CPA1: variants seen among roughly 807,000 people sequenced by gnomAD.
The protein encoded by CPA1 is carboxypeptidase A1 (pancreatic).
Under a neutral mutation model 48.7 loss-of-function variants are expected in CPA1, and 42 were observed. The ratio of observed to expected loss-of-function variants is 0.86; its 90% CI spans 0.67 to 1.11. The LOEUF (loss-of-function observed/expected upper bound fraction) is 1.11, where lower values mean the gene tolerates loss of function less well. CPA1 is among the 50% of genes most tolerant of loss of function. CPA1 has a pLI of 0.00. For synonymous variants in CPA1, 203 were observed against 217.9 expected, an observed-to-expected ratio of 0.93 and a Z score of 0.60; for missense variants, 477 against 544.7, an observed-to-expected ratio of 0.88 and a Z score of 1.24.
Position 130,381,613 on chromosome 7 carries a change from G to C in CPA1, c.148-17G>C. ...CCCCCAGCCCGCTGTGACCGTGCCG[G>C]CTCTTGTCCTCCCCAGCTGGACTTC... On this transcript the variant is annotated splice_polypyrimidine_tract_variant and intron_variant, in intron 2 of 9. Transcript: ENST00000011292. The C allele has an allele frequency of 5.0e-6, 8 of 1,603,758 alleles. No individual in the cohort carries two copies. The highest frequency in any genetic ancestry group is 6.0e-6 in the Non-Finnish European group (7 of 1,171,770).
At chr7:130,381,312 G>A (rs1287302611) in intron 2 of CPA1, 133 bp downstream of exon 2, 7 of 666,684 alleles carry the variant, frequency 1.0e-5, no homozygotes, top group Admixed American at 2.9e-5. Context: ...GTTAGGAAGC[G>A]ACTTCAAGCC....
intron 4 of CPA1, 88 bp from the exon 5 acceptor site, chr7:130,383,303 C>A: frequency 1.0e-6 from 1 of 990,268 alleles, no homozygotes. Flanking sequence ...CAGGTGGTCT[C>A]TGGCCCAGGT....
chr7:130,383,662 C>G lies in CPA1; in HGVS notation c.586-22C>G, dbSNP rs1554411542. On this transcript the variant is annotated intron_variant, in intron 5 of 9. Coordinates refer to ENST00000011292, the MANE Select transcript of CPA1 (RefSeq NM_001868.4). ...ATGCCTGGCCCAGCCTGCGCTGCCC[C>G]TCTGCTCCTCTAACCCCCCAGATCA... The G allele has an allele frequency of 2.5e-6, 4 of 1,586,290 alleles. No individual in the cohort carries two copies. In the East Asian group the frequency reaches 6.7e-5, roughly 27 times the overall value.
chr7:130,384,406 G>C (rs1369820308), intron 6 of CPA1, 130 bp from the exon 7 acceptor site: 2 of 731,686 alleles, frequency 2.7e-6, no homozygotes, highest in East Asian at 5.1e-5. Context: ...CTTGTGTTGA[G>C]GGCTTCCACC....
intron 9 of CPA1, among the ~76,000 whole-genome samples, chr7:130,386,464 G>A (rs1170476202): frequency 6.6e-6 from 1 of 151,942 alleles, no homozygotes; most frequent in African/African-American, 2.4e-5. Context: ...CCCGGGAGGT[G>A]GAGGTTGCAG....
At chr7:130,382,699 C>G (rs1192043701) in intron 4 of CPA1, among the ~76,000 whole-genome samples, 1 of 139,478 alleles carries the variant, frequency 7.2e-6, no homozygotes, top group Non-Finnish European at 1.5e-5. Context: ...TACAGTGGCG[C>G]AGTAGCGTCA....
rs782152893 is a variant in CPA1, at chr7:130,383,340, G to A, written c.484-51G>A. On this transcript the variant is annotated intron_variant, in intron 4 of 9. Coordinates refer to ENST00000011292, the MANE Select transcript of CPA1 (RefSeq NM_001868.4). ...GGGGTCTCCTTCAGGGCAGCAAGAT[G>A]AGGCCTCAGCTGTGAAATTGCCTCT... is the stretch of plus-strand genomic sequence containing the variant. The A allele has an allele frequency of 1.1e-5, 16 of 1,482,552 alleles. No homozygotes were observed. The African/African-American group carries it at 1.5e-4, about 14-fold the overall frequency. 91.8% of individuals were successfully genotyped at this position (1,482,552 alleles called of 1,614,324 possible). A position where few individuals can be genotyped will look rare whatever the true frequency, so the allele number is the denominator to read the frequency against.
chr7:130,386,039 C>T, intron 9 of CPA1, 116 bp downstream of exon 9: 1 of 866,114 alleles, frequency 1.2e-6, no homozygotes, highest in Admixed American at 2.2e-5. Context: ...GATCTGTCAA[C>T]TGCTGGCAAG....
At chr7:130,382,739 G>A (rs1796423416) in intron 4 of CPA1, among the ~76,000 whole-genome samples, 1 of 151,450 alleles carries the variant, frequency 6.6e-6, no homozygotes, top group South Asian at 2.1e-4. Context: ...CACCTCCTGG[G>A]TTCAAGCGAT....
In CPA1 at chr7:130,385,204, C is replaced by A. The variant is rs782496881; in HGVS notation, c.846C>A (p.Ser282=). 1 of 1,614,100 alleles carries A rather than the reference C, an allele frequency of 6.2e-7. No homozygotes were observed. The highest frequency in any genetic ancestry group is 1.3e-5 in the African/African-American group (1 of 74,934). Residue 282 remains serine, a synonymous_variant, in exon 8 of 10, where the codon TCC becomes TCA. Coordinates refer to ENST00000011292, the MANE Select transcript of CPA1 (RefSeq NM_001868.4). ...CTTACCACGGCAAGTTTGCCAATTC[C>A]GAAGTGGAGGTCAAGTCCATTGTAG... The part of the protein sequence containing the change: ...SETYHGKFAN[S]EVEVKSIVDF...
chr7:130,380,799 G>A (rs1012538957), intron 1 of CPA1: 1 of 548,160 alleles, frequency 1.8e-6, no homozygotes, highest in African/African-American at 2.2e-5. Context: ...CCTGAGCTCT[G>A]AGGAGGAGTT....
chr7:130,383,290 G>C (rs1251003230), intron 4 of CPA1, 101 bp from the exon 5 acceptor site: 4 of 841,454 alleles, frequency 4.8e-6, no homozygotes, highest in African/African-American at 1.7e-5. Context: ...GATACACAGA[G>C]AGCAGGTGGT....
At chr7:130,385,468 T>TCAGGGAAG in intron 8 of CPA1, 123 bp downstream of exon 8, 1 of 895,436 alleles carries the variant, frequency 1.1e-6, no homozygotes, top group Non-Finnish European at 1.8e-6. Flanking sequence ...CTTCCTTCCC[T>TCAGGGAAG]GATGGCTTGG....
chr7:130,382,630 A>AT (rs34457825), intron 4 of CPA1, among the ~76,000 whole-genome samples: 18,647 of 74,424 alleles, frequency 0.25, 3,458 homozygotes, highest in African/African-American at 0.34. Flanking sequence ...TGCCCGGGTA[A>AT]TTTTTTTTTT....
At position 130,383,455 on chromosome 7, in the gene CPA1, G is replaced by A. The variant is rs781963872; in HGVS notation, c.548G>A (p.Trp183Ter). 3 of 1,614,186 alleles carry A rather than the reference G, an allele frequency of 1.9e-6. No homozygotes were observed. The South Asian group carries it at 3.3e-5, about 18-fold the overall frequency. The change falls in exon 5 of 10, where the codon TGG (tryptophan) becomes TAG (stop). Residue 183 changes from tryptophan to a stop codon, truncating the protein, a stop_gained. Coordinates refer to ENST00000011292, the MANE Select transcript of CPA1 (RefSeq NM_001868.4). LOFTEE classifies it high-confidence loss of function. ...WIDTGIHSRE[W>*]VTQASGVWFA... ...GACACGGGCATCCATTCCCGGGAGT[G>A]GGTCACCCAGGCCAGTGGGGTCTGG...
Position 130,380,589 on chromosome 7 carries a change from G to A in CPA1, c.65+4G>A, listed in dbSNP as rs2117498427. ...TTGGCAAGGAGGACTTTGTGGGGTAGGGATGTGGAGAGGAGGGGGTGCCCT... is the reference window on the plus strand; with the variant it reads ...TTGGCAAGGAGGACTTTGTGGGGTAAGGATGTGGAGAGGAGGGGGTGCCCT... On this transcript the variant is annotated splice_donor_region_variant and intron_variant, in intron 1 of 9. Transcript: ENST00000011292. 3.1e-6 allele frequency: 4 copies of A among 1,310,048 alleles called. No individual in the cohort carries two copies. The highest frequency in any genetic ancestry group is 2.0e-6 in the Non-Finnish European group (2 of 1,017,782). The allele number at this position is 1,310,048 out of a possible 1,614,324, so 81.2% of individuals were successfully genotyped here. A position where few individuals can be genotyped will look rare whatever the true frequency, so the allele number is the denominator to read the frequency against.
chr7:130,382,230 T>C (rs1777394676), intron 4 of CPA1, 21 bp downstream of exon 4: 1 of 1,588,094 alleles, frequency 6.3e-7, no homozygotes, highest in Non-Finnish European at 8.6e-7. Flanking sequence ...CATGTGGACA[T>C]ACACAGGGGA....
chr7:130,381,087 A>C lies in CPA1; in HGVS notation c.66-11A>C. 1 of 1,611,556 alleles carries C rather than the reference A, an allele frequency of 6.2e-7. No individual in the cohort carries two copies. Among genetic ancestry groups the C allele is most frequent in the Non-Finnish European group, 8.5e-7 (1 of 1,178,892 alleles). On this transcript the variant is annotated splice_polypyrimidine_tract_variant and intron_variant, in intron 1 of 9. Coordinates refer to ENST00000011292, the MANE Select transcript of CPA1 (RefSeq NM_001868.4). ...GCTTGGGTGCTCACTCCCCACTCCC[A>C]CTCTGCCCAGGCATCAGGTGCTCCG...
Position 130,385,136 on chromosome 7 carries a change from C to T in CPA1, c.788-10C>T, listed in dbSNP as rs781803608. On this transcript the variant is annotated splice_polypyrimidine_tract_variant and intron_variant, in intron 7 of 9. Transcript: ENST00000011292. ...GGAGCCACACCGCCATGCCCTCTGT[C>T]CCCCCACAGTGTCCGGAGCCAGCAG... 1 of 1,613,760 alleles carries T rather than the reference C, an allele frequency of 6.2e-7. No homozygotes were observed. The highest frequency in any genetic ancestry group is 1.1e-5 in the South Asian group (1 of 91,060).
Sources: allele counts gnomAD v4.1 joint callset (sites outside exome capture counted in the v4.1 genomes callset), GRCh38; gene constraint gnomAD v4.1.1; transcripts MANE v1.5; gene names NCBI Gene and HGNC (gene_info 2026-07-23, HGNC 2026-07-21).